The following SHROOM3 variants were observed in gnomAD, a reference collection of about 807,000 sequenced individuals.
SHROOM3 encodes the protein protein Shroom3.
Under a neutral mutation model 138.6 loss-of-function variants are expected in SHROOM3, and 47 were observed. The observed-to-expected ratio is 0.34, with a 90% confidence interval of 0.27 to 0.43. The LOEUF (loss-of-function observed/expected upper bound fraction) is 0.43, where lower values mean the gene tolerates loss of function less well. SHROOM3 is among the 20% of genes least tolerant of loss of function. The pLI is 1.00. For synonymous variants in SHROOM3, 1,062 were observed against 1,063.3 expected, an observed-to-expected ratio of 1.00 and a Z score of 0.02; for missense variants, 2,491 against 2,596.5, an observed-to-expected ratio of 0.96 and a Z score of 0.88.
chr4:76,523,944 G>C (rs1179456714), intron 1 of SHROOM3, among the ~76,000 whole-genome samples: 1 of 152,188 alleles, frequency 6.6e-6, no homozygotes, highest in African/African-American at 2.4e-5. Context: ...TGAAGACTGG[G>C]GGAGCTGTGG....
chr4:76,646,361 A>G (rs1735822413), intron 2 of SHROOM3, among the ~76,000 whole-genome samples: 1 of 151,534 alleles, frequency 6.6e-6, no homozygotes. Flanking sequence ...AACAGAAAAC[A>G]TCGAATAGTT....
At chr4:76,582,762 C>T (rs1309350309) in intron 2 of SHROOM3, among the ~76,000 whole-genome samples, 2 of 152,182 alleles carry the variant, frequency 1.3e-5, no homozygotes, top group Non-Finnish European at 2.9e-5. Flanking sequence ...ATGTTCTAGA[C>T]CAGAGGCCTC....
intron 1 of SHROOM3, among the ~76,000 whole-genome samples, chr4:76,519,315 G>C (rs1732513414): frequency 6.6e-6 from 1 of 152,186 alleles, no homozygotes; most frequent in Non-Finnish European, 1.5e-5. Context: ...GATAGCATTT[G>C]CTGACCAAGA....
intron 2 of SHROOM3, among the ~76,000 whole-genome samples, chr4:76,624,251 C>T (rs889011061): frequency 6.6e-6 from 1 of 152,068 alleles, no homozygotes; most frequent in Non-Finnish European, 1.5e-5. Context: ...CCTGTCCTTC[C>T]GTCGTCTGGG....
At chr4:76,471,657 T>A (rs1464747971) in intron 1 of SHROOM3, among the ~76,000 whole-genome samples, 1 of 152,098 alleles carries the variant, frequency 6.6e-6, no homozygotes, top group Non-Finnish European at 1.5e-5. Context: ...GAGCCTGACA[T>A]CCCAGTCAGA....
rs376362603 is a variant in SHROOM3 at position 76,756,854 on chromosome 4, A to G, written c.5115A>G (p.Arg1705=). 1 of 1,614,126 alleles carries G rather than the reference A, an allele frequency of 6.2e-7. No individual in the cohort carries two copies. Residue 1705 remains arginine, a synonymous_variant, in exon 8 of 11, where the codon CGA becomes CGG. Transcript: ENST00000296043. ...TMDLMEGLFP[R]DVNLLKENSV... is the part of the protein sequence containing the mutation. ...ACCTGATGGAAGGTTTGTTTCCCCG[A>G]GATGTGAACTTGCTGAAGGAAAACA...
At chr4:76,674,946 G>C (rs1314288940) in intron 2 of SHROOM3, among the ~76,000 whole-genome samples, 1 of 152,128 alleles carries the variant, frequency 6.6e-6, no homozygotes, top group Non-Finnish European at 1.5e-5. Context: ...ACTAGTCTCT[G>C]GTCTTAGGGT....
At chr4:76,646,855 G>T (rs147009759) in intron 2 of SHROOM3, among the ~76,000 whole-genome samples, 1 of 152,306 alleles carries the variant, frequency 6.6e-6, no homozygotes, top group Non-Finnish European at 1.5e-5. Flanking sequence ...GTGGAAAATA[G>T]TATGGCAATT....
intron 1 of SHROOM3, among the ~76,000 whole-genome samples, chr4:76,535,362 C>A (rs554555078): frequency 2.0e-5 from 3 of 152,186 alleles, no homozygotes; most frequent in Non-Finnish European, 4.4e-5. Flanking sequence ...ATTCTTCCCC[C>A]ATATTTGATA....
chr4:76,630,860 T>C (rs1158414611), intron 2 of SHROOM3, among the ~76,000 whole-genome samples: 1 of 152,180 alleles, frequency 6.6e-6, no homozygotes, highest in Non-Finnish European at 1.5e-5. Flanking sequence ...GCCAGCACTT[T>C]CTTAGCTATT....
intron 3 of SHROOM3, among the ~76,000 whole-genome samples, chr4:76,715,389 G>A (rs922174745): frequency 2.6e-5 from 4 of 152,074 alleles, no homozygotes; most frequent in African/African-American, 4.8e-5. Flanking sequence ...TTCCTTTCCC[G>A]CTTAGATCCC....
intron 2 of SHROOM3, among the ~76,000 whole-genome samples, chr4:76,620,553 G>A (rs2110066054): frequency 6.6e-6 from 1 of 152,302 alleles, no homozygotes; most frequent in South Asian, 2.1e-4. Flanking sequence ...TTTAGACGGA[G>A]GGAATGGTTG....
intron 1 of SHROOM3, among the ~76,000 whole-genome samples, chr4:76,514,898 C>A (rs1466023066): frequency 6.6e-6 from 1 of 151,970 alleles, no homozygotes; most frequent in Admixed American, 6.6e-5. Flanking sequence ...TCAAGACCAG[C>A]CTGGGAAACA....
intron 1 of SHROOM3, among the ~76,000 whole-genome samples, chr4:76,491,793 G>A (rs145966904): frequency 0.015 from 2,250 of 152,308 alleles, 22 homozygotes; most frequent in Non-Finnish European, 0.022. Context: ...TTTGCAGCCA[G>A]AGCATCCAAA....
chr4:76,621,922 C>G (rs1052676702), intron 2 of SHROOM3, among the ~76,000 whole-genome samples: 2 of 151,738 alleles, frequency 1.3e-5, no homozygotes, highest in African/African-American at 2.4e-5. Context: ...CCTCCACATC[C>G]CGGGTTCAAG....
chr4:76,617,725 C>T (rs918875381), intron 2 of SHROOM3, among the ~76,000 whole-genome samples: 10 of 151,982 alleles, frequency 6.6e-5, no homozygotes, highest in African/African-American at 1.9e-4. Flanking sequence ...CAGGAATTGA[C>T]CTATATTTAT....
chr4:76,482,310 C>A (rs1327202733), intron 1 of SHROOM3, among the ~76,000 whole-genome samples: 1 of 152,146 alleles, frequency 6.6e-6, no homozygotes, highest in Non-Finnish European at 1.5e-5. Flanking sequence ...AGCAAAGTCC[C>A]AAGATACAAA....
At chr4:76,703,207 G>C (rs1719952104) in intron 2 of SHROOM3, among the ~76,000 whole-genome samples, 1 of 152,140 alleles carries the variant, frequency 6.6e-6, no homozygotes, top group South Asian at 2.1e-4. Flanking sequence ...AAAGACAGGA[G>C]GAGGCTTTAA....
chr4:76,651,693 AT>A (rs1462529696), intron 2 of SHROOM3, among the ~76,000 whole-genome samples: 1 of 152,080 alleles, frequency 6.6e-6, no homozygotes, highest in Non-Finnish European at 1.5e-5. Context: ...ATTTGTTTAA[AT>A]TATAAATGAA....
Sources: allele counts gnomAD v4.1 joint callset (sites outside exome capture counted in the v4.1 genomes callset), GRCh38; gene constraint gnomAD v4.1.1; transcripts MANE v1.5; gene names NCBI Gene and HGNC (gene_info 2026-07-23, HGNC 2026-07-21).